The following HOXC5 variants were observed in gnomAD, a reference collection of about 807,000 sequenced individuals.
The protein encoded by HOXC5 is homeobox protein Hox-C5.
A neutral mutation model predicts 20.1 loss-of-function variants in HOXC5; 19 were observed. That is an observed-to-expected ratio of 0.94 (90% CI 0.66 to 1.38). The LOEUF (loss-of-function observed/expected upper bound fraction) is 1.38, where lower values mean the gene tolerates loss of function less well. Ranked by LOEUF, HOXC5 falls within the 40% of genes most tolerant of loss-of-function variation. HOXC5 has a pLI of 0.00. For missense variants in HOXC5, 330 were observed against 300.1 expected, an observed-to-expected ratio of 1.10 and a Z score of -0.74; for synonymous variants, 124 against 117.0, an observed-to-expected ratio of 1.06 and a Z score of -0.39.
rs751557222 is a variant in HOXC5 at position 54,033,383 on chromosome 12, C to G, written c.261C>G (p.Gly87=). ...SAAAAPGHAP[G]RDEAAPLNPG... Reference sequence around the variant, plus strand: ...CGGCCGCTCCGGGACACGCTCCGGGCAGAGACGAAGCGGCTCCTCTGAACC... The same window carrying G: ...CGGCCGCTCCGGGACACGCTCCGGGGAGAGACGAAGCGGCTCCTCTGAACC... Residue 87 remains glycine (G), a synonymous_variant, in exon 1 of 2, where the codon GGC becomes GGG. Coordinates refer to ENST00000312492, the MANE Select transcript of HOXC5 (RefSeq NM_018953.4). The G allele has an allele frequency of 6.2e-7, 1 of 1,613,022 alleles. No homozygotes were observed. The highest frequency in any genetic ancestry group is 2.2e-5 in the East Asian group (1 of 44,860).
At chr12:54,030,021 C>T, upstream of HOXC5, 1 of 1,373,592 alleles carries the variant, frequency 7.3e-7, no homozygotes, top group Non-Finnish European at 9.8e-7. Context: ...CCAACTCTCC[C>T]CTAATCACAC....
upstream of HOXC5, chr12:54,028,822 G>T: frequency 6.2e-7 from 1 of 1,614,056 alleles, no homozygotes; most frequent in South Asian, 1.1e-5. Context: ...GACCTCAATC[G>T]CTCAGGATTT....
chr12:54,026,941 C>G, the HOXC5 span, among the ~76,000 whole-genome samples: 7 of 142,450 alleles, frequency 4.9e-5, no homozygotes, highest in Non-Finnish European at 9.1e-5. Flanking sequence ...AGCTTTCCCC[C>G]CCCCCAACCC....
upstream of HOXC5, among the ~76,000 whole-genome samples, chr12:54,032,271 C>G (rs1489969267): frequency 6.6e-6 from 1 of 152,206 alleles, no homozygotes; most frequent in Non-Finnish European, 1.5e-5. Flanking sequence ...GCCTGCAACA[C>G]CCTCAGCTTC....
chr12:54,026,995 C>A, the HOXC5 span, among the ~76,000 whole-genome samples: 1 of 151,496 alleles, frequency 6.6e-6, no homozygotes, highest in East Asian at 1.9e-4. Context: ...TTTCTCTGCT[C>A]CCCGCACACT....
chr12:54,029,468 G>T (rs977437609), upstream of HOXC5, among the ~76,000 whole-genome samples: 2 of 141,512 alleles, frequency 1.4e-5, no homozygotes. Context: ...CTTATAGGAG[G>T]TCTGAAGTTG....
chr12:54,030,153 C>T, upstream of HOXC5: 1 of 555,684 alleles, frequency 1.8e-6, no homozygotes, highest in African/African-American at 1.9e-5. Flanking sequence ...CTCTCTTTCA[C>T]CACGCGCCTC....
the HOXC5 span, among the ~76,000 whole-genome samples, chr12:54,025,242 G>A: frequency 6.6e-6 from 1 of 152,136 alleles, no homozygotes; most frequent in Non-Finnish European, 1.5e-5. Flanking sequence ...TGCTTCTGCT[G>A]ATGAGTTTCC....
At chr12:54,028,246 CATATAT>C (rs147627891), upstream of HOXC5, 3,537 of 149,404 alleles carry the variant, frequency 0.024, 146 homozygotes, top group African/African-American at 0.091. Context: ...AGTTCCCTTA[CATATAT>C]ATATATATAT....
At chr12:54,031,484 G>A (rs1475433877), upstream of HOXC5, among the ~76,000 whole-genome samples, 2 of 152,206 alleles carry the variant, frequency 1.3e-5, no homozygotes, top group East Asian at 3.9e-4. Context: ...CAGCCGGGCT[G>A]GTTCCTTACT....
At position 54,033,092 on chromosome 12, in the gene HOXC5, G is replaced by T; in HGVS notation, c.-31G>T. The T allele has an allele frequency of 6.4e-7, 1 of 1,574,682 alleles. No individual in the cohort carries two copies. The highest frequency in any genetic ancestry group is 8.7e-7 in the Non-Finnish European group (1 of 1,151,270). On this transcript the variant is annotated 5_prime_UTR_variant, in exon 1 of 2. Transcript: ENST00000312492. ...TCACAAATCACCCTTAATCAAAAAGGGTGCAGAAATTTTTTTGGGCCCTCC... is the reference window on the plus strand; with the variant it reads ...TCACAAATCACCCTTAATCAAAAAGTGTGCAGAAATTTTTTTGGGCCCTCC...
At chr12:54,031,084 G>T (rs1940967646), upstream of HOXC5, among the ~76,000 whole-genome samples, 1 of 152,232 alleles carries the variant, frequency 6.6e-6, no homozygotes, top group South Asian at 2.1e-4. Context: ...GTTGCGGGGG[G>T]AGCTGGGATC....
At chr12:54,018,659 T>TGGGTCCGA in the HOXC5 span, among the ~76,000 whole-genome samples, 2 of 152,204 alleles carry the variant, frequency 1.3e-5, no homozygotes, top group Non-Finnish European at 2.9e-5. Flanking sequence ...CTCCCCGGCC[T>TGGGTCCGA]GGGTCCGAGG....
chr12:54,034,074 C>T (rs1371029519), intron 1 of HOXC5: 1 of 713,496 alleles, frequency 1.4e-6, no homozygotes, highest in African/African-American at 1.7e-5. Flanking sequence ...AGAGTGAAGG[C>T]TGCGGTGGAA....
chr12:54,029,968 A>C (rs1260468528), upstream of HOXC5: 2 of 1,540,404 alleles, frequency 1.3e-6, no homozygotes, highest in South Asian at 1.2e-5. Flanking sequence ...AGTGACCAGG[A>C]CTGTCCCTGC....
At chr12:54,026,135 G>T in the HOXC5 span, among the ~76,000 whole-genome samples, 4 of 152,164 alleles carry the variant, frequency 2.6e-5, no homozygotes, top group Non-Finnish European at 4.4e-5. Context: ...GGGGGGGACA[G>T]AGTTACTCTC....
At chr12:54,022,969 C>A in the HOXC5 span, among the ~76,000 whole-genome samples, 1 of 152,174 alleles carries the variant, frequency 6.6e-6, no homozygotes, top group African/African-American at 2.4e-5. Flanking sequence ...CCTCTTGAGG[C>A]CCTATTCTGG....
upstream of HOXC5, among the ~76,000 whole-genome samples, chr12:54,032,069 C>A (rs1037176946): frequency 6.6e-6 from 1 of 152,248 alleles, no homozygotes; most frequent in Non-Finnish European, 1.5e-5. Flanking sequence ...TATTTTCTGT[C>A]TAAAACCTCT....
rs202063227 is a variant in HOXC5 at position 54,033,576 on chromosome 12, G to C, written c.454G>C (p.Glu152Gln). Residue 152 changes from glutamate to glutamine, a missense_variant and splice_region_variant, in exon 1 of 2, where the codon GAG (glutamate) becomes CAG (glutamine). By Grantham distance (29) the Glu-to-Gln change is conservative (BLOSUM62 2). Transcript: ENST00000312492. ...PWMTKLHMSH[E>Q]TDGKRSRTSY... ...GATGACCAAACTGCACATGAGCCAC[G>C]GTAAACTTTAGGACTTCATTTTGCG... 1.8e-4 allele frequency: 280 copies of C among 1,572,732 alleles called. No individual in the cohort carries two copies. The highest frequency in any genetic ancestry group is 6.8e-4 in the Middle Eastern group (3 of 4,388).
Sources: allele counts gnomAD v4.1 joint callset (sites outside exome capture counted in the v4.1 genomes callset), GRCh38; gene constraint gnomAD v4.1.1; transcripts MANE v1.5; gene names NCBI Gene and HGNC (gene_info 2026-07-23, HGNC 2026-07-21).